The following ADAMTS13 variants were observed in gnomAD, a reference collection of about 807,000 sequenced individuals.
The protein encoded by ADAMTS13 is A disintegrin and metalloproteinase with thrombospondin motifs 13.
ADAMTS13 carries 110 observed loss-of-function variants against 155.1 expected under a neutral mutation model. That is an observed-to-expected ratio of 0.71 (90% confidence interval 0.61 to 0.83). The LOEUF (loss-of-function observed/expected upper bound fraction) is 0.83. Ranked by LOEUF, ADAMTS13 falls within the 40% of genes least tolerant of loss-of-function variation. ADAMTS13 has a pLI of 0.00. For missense variants in ADAMTS13, 1,707 were observed against 1,891.7 expected, an observed-to-expected ratio of 0.90 and a Z score of 1.81; for synonymous variants, 758 against 756.4, an observed-to-expected ratio of 1.00 and a Z score of -0.03.
intron 2 of ADAMTS13, among the ~76,000 whole-genome samples, chr9:133,423,888 C>G (rs1052138327): frequency 3.9e-5 from 6 of 152,268 alleles, no homozygotes; most frequent in African/African-American, 1.4e-4. Flanking sequence ...CCCAGGGTCC[C>G]TGACCCTCTA....
intron 11 of ADAMTS13, among the ~76,000 whole-genome samples, chr9:133,435,451 A>G (rs1588169135): frequency 6.8e-6 from 1 of 148,026 alleles, no homozygotes; most frequent in South Asian, 2.1e-4. Context: ...GGCCTCCCAA[A>G]CTGTTGGGAT....
At position 133,430,001 on chromosome 9, in the gene ADAMTS13, C is replaced by T. The variant is rs782102945; in HGVS notation, c.887C>T (p.Pro296Leu). The T allele has an allele frequency of 6.4e-7, 1 of 1,568,292 alleles. No individual in the cohort carries two copies. The highest frequency in any genetic ancestry group is 2.3e-5 in the East Asian group (1 of 42,936). ...PRPQPGSAGH[P>L]PDAQPGLYYS... is the part of the protein sequence containing the mutation. Reference sequence around the variant, plus strand: ...CCTCAACCCGGGTCCGCGGGGCACCCGCCGGATGCGCAGCCTGGCCTCTAC... The same window carrying T: ...CCTCAACCCGGGTCCGCGGGGCACCTGCCGGATGCGCAGCCTGGCCTCTAC... The change falls in exon 8 of 29, where the codon CCG (proline) becomes CTG (leucine). Residue 296 changes from proline to leucine, a missense_variant. Physicochemically the swap from Pro to Leu is moderately conservative, Grantham distance 98. Coordinates refer to ENST00000355699, the MANE Select transcript of ADAMTS13 (RefSeq NM_139027.6).
chr9:133,438,184 G>A, intron 13 of ADAMTS13, 62 bp from the exon 14 acceptor site: 2 of 1,613,326 alleles, frequency 1.2e-6, no homozygotes, highest in South Asian at 2.2e-5. Flanking sequence ...TGGCAGGGCT[G>A]CAGAGTCATT....
At chr9:133,438,483 C>G (rs1237415256) in intron 14 of ADAMTS13, 117 bp downstream of exon 14, 2 of 1,469,996 alleles carry the variant, frequency 1.4e-6, no homozygotes, top group Non-Finnish European at 1.8e-6. Flanking sequence ...TCACTCAGCC[C>G]TGGATGCCTC....
chr9:133,414,723 C>T (rs1554781130), intron 1 of ADAMTS13: 14 of 1,614,152 alleles, frequency 8.7e-6, no homozygotes, highest in Non-Finnish European at 1.1e-5. Context: ...TCGATGTCCC[C>T]TCGTTCTGGA....
At chr9:133,423,237 G>A in intron 2 of ADAMTS13, 70 bp downstream of exon 2, 1 of 1,430,080 alleles carries the variant, frequency 7.0e-7, no homozygotes, top group Non-Finnish European at 9.8e-7. Context: ...TCACCACTGA[G>A]TCAGTGGTCT....
rs369230589 is a variant in ADAMTS13, at chr9:133,442,763, C to T, written c.2234+20C>T. On this transcript the variant is annotated intron_variant, in intron 18 of 28. Coordinates refer to ENST00000355699, the MANE Select transcript of ADAMTS13 (RefSeq NM_139027.6). ...TCCCTAGTGAGTGTGGTGCTGTCTGCGCAGCTCCAAGGGGGAGAGAGGGTT... is the reference window on the plus strand; with the variant it reads ...TCCCTAGTGAGTGTGGTGCTGTCTGTGCAGCTCCAAGGGGGAGAGAGGGTT... 5.6e-5 allele frequency: 90 copies of T among 1,610,020 alleles called. 1 individual carries two copies. Among genetic ancestry groups the T allele is most frequent in the Middle Eastern group, 1.8e-4 (1 of 5,686 alleles).
Position 133,428,408 on chromosome 9 carries a change from C to G in ADAMTS13, c.687-226C>G, listed in dbSNP as rs587599247. On this transcript the variant is annotated intron_variant, in intron 6 of 28. Coordinates refer to ENST00000355699, the MANE Select transcript of ADAMTS13 (RefSeq NM_139027.6). The stretch of plus-strand genomic sequence containing the variant: ...AGCAAAAGATGCGAGAGCCACCCTG[C>G]TGGGCTAGCGCTCCCTTCTGGGGGA... Among the ~76,000 whole-genome samples, 3 of 152,342 alleles carry G rather than the reference C, an allele frequency of 2.0e-5. No homozygotes were observed. The East Asian group carries it at 5.8e-4, about 29-fold the overall frequency.
upstream of ADAMTS13, chr9:133,422,204 G>C: frequency 1.7e-6 from 1 of 596,088 alleles, no homozygotes; most frequent in Non-Finnish European, 3.0e-6. Flanking sequence ...TGCAGGACTG[G>C]GCTGCAGGTT....
chr9:133,423,214 T>C (rs781840770), intron 2 of ADAMTS13, 47 bp downstream of exon 2: 1 of 1,563,946 alleles, frequency 6.4e-7, no homozygotes, highest in South Asian at 1.1e-5. Context: ...TCTCAGGACT[T>C]TCAAGGGGTA....
chr9:133,429,171 A>ACC (rs1208389217), intron 7 of ADAMTS13, among the ~76,000 whole-genome samples: 878 of 10,338 alleles, frequency 0.085, 15 homozygotes, highest in Non-Finnish European at 0.09. Context: ...CCCTGCACCC[A>ACC]CCCCCCCGTC....
At chr9:133,419,310 T>A (rs1839850279), upstream of ADAMTS13, among the ~76,000 whole-genome samples, 1 of 152,160 alleles carries the variant, frequency 6.6e-6, no homozygotes, top group Admixed American at 6.5e-5. Context: ...GAGCTCCTTT[T>A]CACACTTGCT....
intron 8 of ADAMTS13, 66 bp downstream of exon 8, chr9:133,430,167 C>T: frequency 1.3e-6 from 2 of 1,536,524 alleles, no homozygotes; most frequent in Non-Finnish European, 8.7e-7. Flanking sequence ...GCTCACGTCC[C>T]CCAAAACGTG....
intron 1 of ADAMTS13, among the ~76,000 whole-genome samples, chr9:133,416,168 A>T (rs1839586961): frequency 6.6e-6 from 1 of 152,034 alleles, no homozygotes; most frequent in African/African-American, 2.4e-5. Context: ...GTGAAGGGGG[A>T]GCAGGTGTGT....
intron 11 of ADAMTS13, among the ~76,000 whole-genome samples, chr9:133,435,599 G>A (rs1841136105): frequency 6.7e-6 from 1 of 149,964 alleles, no homozygotes; most frequent in Admixed American, 6.7e-5. Context: ...GCGCGATCTC[G>A]GCTCACTCTA....
chr9:133,454,579 C>A lies in ADAMTS13; in HGVS notation c.3209C>A (p.Ala1070Asp). 1 of 1,606,252 alleles carries A rather than the reference C, an allele frequency of 6.2e-7. No individual in the cohort carries two copies. The highest frequency in any genetic ancestry group is 1.1e-5 in the South Asian group (1 of 91,036). Residue 1070 changes from alanine to aspartate, a missense_variant, in exon 24 of 29, where the codon GCC (alanine) becomes GAC (aspartate). Ala to Asp is a moderately radical substitution (Grantham distance 126, BLOSUM62 -2). Coordinates refer to ENST00000355699, the MANE Select transcript of ADAMTS13 (RefSeq NM_139027.6). The stretch of plus-strand genomic sequence containing the variant: ...GAGGCCAGTGTCCCCTGTCTCATTG[C>A]CGACTGCACCTACCGCTGGCATGTT... ...RPEASVPCLIADCTYRWHVGT... is the reference protein window; with the variant it reads ...RPEASVPCLIDDCTYRWHVGT...
At position 133,446,786 on chromosome 9, in the gene ADAMTS13, C is replaced by T. The variant is rs1842092148; in HGVS notation, c.2731+967C>T. ...CCAGTGGCTGCACCATTTTACATTT[C>T]CACTAATGGTGCATAAGAGTTCCAA... On this transcript the variant is annotated intron_variant, in intron 21 of 28. Coordinates refer to ENST00000355699, the MANE Select transcript of ADAMTS13 (RefSeq NM_139027.6). Among the ~76,000 whole-genome samples the T allele has an allele frequency of 5.9e-5, 9 of 152,208 alleles. No individual in the cohort carries two copies. In the South Asian group the frequency reaches 1.9e-3, roughly 32 times the overall value.
At chr9:133,433,252 C>A in intron 9 of ADAMTS13, 126 bp from the exon 10 acceptor site, 1 of 1,296,416 alleles carries the variant, frequency 7.7e-7, no homozygotes, top group Non-Finnish European at 1.1e-6. Flanking sequence ...GTTTGGGGGT[C>A]GCTGTGGGTG....
At chr9:133,426,689 TACAC>T (rs587685653) in intron 6 of ADAMTS13, among the ~76,000 whole-genome samples, 3 of 152,356 alleles carry the variant, frequency 2.0e-5, no homozygotes, top group South Asian at 2.1e-4. Context: ...TTTCTTTACA[TACAC>T]ACACATATTT....
Sources: allele counts gnomAD v4.1 joint callset (sites outside exome capture counted in the v4.1 genomes callset), GRCh38; gene constraint gnomAD v4.1.1; transcripts MANE v1.5; gene names NCBI Gene and HGNC (gene_info 2026-07-23, HGNC 2026-07-21).